Variants in INPP5A observed in about 807,000 individuals in gnomAD.
INPP5A encodes 43 kDa inositol polyphosphate 5-phophatase.
A neutral mutation model predicts 65.2 loss-of-function variants in INPP5A; 14 were observed. That is an observed-to-expected ratio of 0.21 (90% CI 0.14 to 0.34). The LOEUF is 0.34. Among genes scored for constraint, INPP5A ranks in the 10% least tolerant of loss-of-function variants. INPP5A has a pLI of 1.00. For synonymous variants in INPP5A, 207 were observed against 208.3 expected (o/e 0.99, Z 0.05); for missense variants, 431 against 545.6 (o/e 0.79, Z 2.09).
chr10:132,599,842 T>A (rs1157915083), intron 1 of INPP5A, among the ~76,000 whole-genome samples: 1 of 152,216 alleles, frequency 6.6e-6, no homozygotes, highest in African/African-American at 2.4e-5. Flanking sequence ...AGCTGCCAAG[T>A]CTTGGGGCTT....
chr10:132,757,395 A>G (rs576862206), intron 11 of INPP5A, among the ~76,000 whole-genome samples: 1 of 151,968 alleles, frequency 6.6e-6, no homozygotes, highest in Non-Finnish European at 1.5e-5. Context: ...TTCCCTCTCT[A>G]CGTTTAGGTA....
intron 9 of INPP5A, among the ~76,000 whole-genome samples, chr10:132,745,003 G>A (rs1006137590): frequency 2.6e-5 from 4 of 152,296 alleles, no homozygotes; most frequent in East Asian, 1.9e-4. Flanking sequence ...CGCCTCTCCC[G>A]TGGCACAGGC....
chr10:132,567,749 C>G (rs2071290021), intron 1 of INPP5A, among the ~76,000 whole-genome samples: 1 of 152,116 alleles, frequency 6.6e-6, no homozygotes, highest in African/African-American at 2.4e-5. Context: ...ATTCCAATAT[C>G]TGGTTATTTA....
In INPP5A at chr10:132,627,268, C is replaced by T. The variant is rs118040370; in HGVS notation, c.118-18600C>T. Among the ~76,000 whole-genome samples, 2,310 of 151,906 alleles carry T rather than the reference C, an allele frequency of 0.015. 32 individuals are homozygous for T. Among genetic ancestry groups the T allele is most frequent in the South Asian group, 0.039 (187 of 4,818 alleles). ...ATTTTGTGATGGAGCCTCTGCCGAC[C>T]GAGGGAGGGGCTGAGGGTGGACAGG... On this transcript the variant is annotated intron_variant, in intron 2 of 15. Transcript: ENST00000368594. This position sits in a 1 kb window ranked among gnomAD's most constrained non-coding sequence, Gnocchi z 6.6.
Position 132,650,977 on chromosome 10 carries a change from TGAGCACAGGGG to T in INPP5A, c.306+476_306+486del, listed in dbSNP as rs775311724. Among the ~76,000 whole-genome samples, 1 of 151,876 alleles carries T rather than the reference TGAGCACAGGGG, an allele frequency of 6.6e-6. No homozygotes were observed. Among genetic ancestry groups the T allele is most frequent in the Non-Finnish European group, 1.5e-5 (1 of 67,948 alleles). On this transcript the variant is annotated intron_variant, in intron 4 of 15. Transcript: ENST00000368594. This position sits in a 1 kb window ranked among gnomAD's most constrained non-coding sequence, Gnocchi z 5.5. ...CTCGGAGAGAGGCTGTTCCTCAGGG[TGAGCACAGGGG>T]GAGTGGGACAGAGCCTTCCACAGGG...
chr10:132,737,972 A>T (rs138224956), intron 9 of INPP5A, among the ~76,000 whole-genome samples: 119 of 152,286 alleles, frequency 7.8e-4, no homozygotes, highest in African/African-American at 2.7e-3. Context: ...TTCAACTGGT[A>T]TATTGATGCC....
chr10:132,775,457 C>T (rs1419145790), intron 12 of INPP5A, among the ~76,000 whole-genome samples: 1 of 152,124 alleles, frequency 6.6e-6, no homozygotes, highest in African/African-American at 2.4e-5. Context: ...GCCAGCACCT[C>T]CCACCTGTGG....
In INPP5A at chr10:132,698,842, G is replaced by A. The variant is rs1243236485; in HGVS notation, c.474+923G>A. On this transcript the variant is annotated intron_variant, in intron 6 of 15. Coordinates refer to ENST00000368594, the MANE Select transcript of INPP5A (RefSeq NM_005539.5). The surrounding 1 kb of genome is among the most constrained non-coding windows in gnomAD (Gnocchi z 5.5). ...CACGAGAGCTGTGCAGGCTGAGGCT[G>A]CTACGGAGCTGACTTCCAGCAAGGC... 6.6e-6 allele frequency among the ~76,000 whole-genome samples: 1 copy of A among 152,248 alleles called. No homozygotes were observed. The highest frequency in any genetic ancestry group is 2.4e-5 in the African/African-American group (1 of 41,464).
chr10:132,604,788 T>C (rs2133335895), intron 1 of INPP5A, among the ~76,000 whole-genome samples: 1 of 152,282 alleles, frequency 6.6e-6, no homozygotes. Context: ...ATTGAACTGA[T>C]GGAGAAGACA....
chr10:132,725,570 C>T (rs1845971318), intron 8 of INPP5A, among the ~76,000 whole-genome samples: 1 of 152,344 alleles, frequency 6.6e-6, no homozygotes, highest in South Asian at 2.1e-4. Flanking sequence ...TGGTTGGGCC[C>T]CCTGCCTCCC....
At chr10:132,712,303 C>T (rs1333717846) in intron 8 of INPP5A, among the ~76,000 whole-genome samples, 1 of 151,700 alleles carries the variant, frequency 6.6e-6, no homozygotes, top group Non-Finnish European at 1.5e-5. Flanking sequence ...TGAGTGTATG[C>T]ACAGTTGCTT....
At chr10:132,559,756 G>T (rs1428208102) in intron 1 of INPP5A, among the ~76,000 whole-genome samples, 1 of 151,896 alleles carries the variant, frequency 6.6e-6, no homozygotes, top group Non-Finnish European at 1.5e-5. Context: ...GTGTTCCAGG[G>T]ACCTCAGTTA....
chr10:132,563,797 G>C (rs1164952510), intron 1 of INPP5A, among the ~76,000 whole-genome samples: 1 of 152,174 alleles, frequency 6.6e-6, no homozygotes, highest in Non-Finnish European at 1.5e-5. Flanking sequence ...AGACAGCCCC[G>C]GGGGATTTAT....
At chr10:132,672,573 C>T (rs1015740862) in intron 4 of INPP5A, among the ~76,000 whole-genome samples, 7 of 152,156 alleles carry the variant, frequency 4.6e-5, no homozygotes, top group Admixed American at 2.0e-4. Flanking sequence ...TTGCCTTCTG[C>T]CATGATTGTG....
intron 2 of INPP5A, among the ~76,000 whole-genome samples, chr10:132,615,129 C>T (rs563163779): frequency 3.7e-4 from 57 of 152,172 alleles, no homozygotes; most frequent in Non-Finnish European, 6.9e-4. Flanking sequence ...GAGGGAGCCC[C>T]GAGTCTGGGC....
chr10:132,702,523 G>A (rs1410642162), intron 6 of INPP5A, among the ~76,000 whole-genome samples: 6 of 152,218 alleles, frequency 3.9e-5, no homozygotes, highest in Non-Finnish European at 2.9e-5. Context: ...ATTTTTAATG[G>A]AAGTAAAACT....
At chr10:132,680,793 C>T (rs570737733) in intron 4 of INPP5A, among the ~76,000 whole-genome samples, 10 of 152,388 alleles carry the variant, frequency 6.6e-5, no homozygotes, top group South Asian at 2.1e-4. Flanking sequence ...GCTTAGCACC[C>T]GGGCCAGCAG....
At chr10:132,559,515 G>A (rs118133857) in intron 1 of INPP5A, among the ~76,000 whole-genome samples, 2,284 of 152,182 alleles carry the variant, frequency 0.015, 32 homozygotes, top group South Asian at 0.038. Context: ...CCCCCCTTCC[G>A]CCAACCACGA....
chr10:132,719,908 G>C (rs1328622738), intron 8 of INPP5A, among the ~76,000 whole-genome samples: 2 of 150,574 alleles, frequency 1.3e-5, no homozygotes, highest in African/African-American at 4.9e-5. Flanking sequence ...TGTGGTACCT[G>C]GGTTCTGTCT....
Sources: gnomAD v4.1 joint callset for allele counts (sites outside exome capture counted in the v4.1 genomes callset) on GRCh38, gnomAD v4.1.1 for gene constraint, Gnocchi (gnomAD v3.1) non-coding constraint, MANE v1.5 for transcripts, NCBI Gene and HGNC (gene_info 2026-07-23, HGNC 2026-07-21) for gene names.